Variants in GREB1 observed in about 807,000 individuals in gnomAD.
GREB1 encodes the protein protein GREB1.
GREB1 carries 106 observed loss-of-function variants against 200.7 expected under a neutral mutation model. The observed-to-expected ratio is 0.53, with a 90% CI of 0.45 to 0.62. GREB1 has a LOEUF of 0.62. Ranked by LOEUF, GREB1 falls within the 20% of genes least tolerant of loss-of-function variation. The pLI is 0.00. For missense variants in GREB1, 2,243 were observed against 2,556.8 expected, an observed-to-expected ratio of 0.88 and a Z score of 2.65; for synonymous variants, 1,132 against 1,092.4, an observed-to-expected ratio of 1.04 and a Z score of -0.72.
intron 17 of GREB1, among the ~76,000 whole-genome samples, chr2:11,603,809 A>G (rs1681997758): frequency 6.6e-6 from 1 of 152,256 alleles, no homozygotes; most frequent in African/African-American, 2.4e-5. Flanking sequence ...TGATGTGTTT[A>G]GTATGTTGTA....
intron 1 of GREB1, among the ~76,000 whole-genome samples, chr2:11,512,250 A>G (rs1204477918): frequency 6.6e-6 from 1 of 152,216 alleles, no homozygotes; most frequent in East Asian, 1.9e-4. Context: ...AAAGTTGACC[A>G]CTAGCTCCTG....
upstream of GREB1, among the ~76,000 whole-genome samples, chr2:11,532,821 G>A (rs1452277682): frequency 1.3e-5 from 2 of 152,160 alleles, no homozygotes; most frequent in South Asian, 2.1e-4. Context: ...CATTGTCATC[G>A]TGATGATACT....
At position 11,600,943 on chromosome 2, in the gene GREB1, A is replaced by G. The variant is rs1681728650; in HGVS notation, c.2477A>G (p.His826Arg). 1.2e-6 allele frequency: 2 copies of G among 1,614,124 alleles called. No individual in the cohort carries two copies. Among genetic ancestry groups the G allele is most frequent in the African/African-American group, 1.3e-5 (1 of 75,036 alleles). The change falls in exon 16 of 33, where the codon CAC becomes CGC. Residue 826 changes from histidine (H) to arginine (R), a missense_variant. This residue lies in a region of GREB1 where 1,178 missense variants were observed against 1,387.4 expected (regional missense o/e 0.85). Transcript: ENST00000381486. ...TTCCCGTATGCACTGCAGACACAGC[A>G]CACCCTCATCAGCCCCTACAACGAG... Reference protein sequence around the residue: ...TSFPYALQTQHTLISPYNEIH... With the variant: ...TSFPYALQTQRTLISPYNEIH...
intron 4 of GREB1, among the ~76,000 whole-genome samples, chr2:11,568,905 T>C (rs1447252314): frequency 6.6e-6 from 1 of 152,272 alleles, no homozygotes; most frequent in Non-Finnish European, 1.5e-5. Context: ...CTTGCATACT[T>C]AACACTGTTT....
At chr2:11,536,152 C>T (rs1057436659) in intron 1 of GREB1, among the ~76,000 whole-genome samples, 2 of 152,258 alleles carry the variant, frequency 1.3e-5, no homozygotes, top group African/African-American at 4.8e-5. Context: ...GAATGCCCAG[C>T]TCAGTTTCGG....
Position 11,580,874 on chromosome 2 carries a change from C to A in GREB1, c.901+42C>A. 1 of 1,613,766 alleles carries A rather than the reference C, an allele frequency of 6.2e-7. No individual in the cohort carries two copies. The highest frequency in any genetic ancestry group is 8.5e-7 in the Non-Finnish European group (1 of 1,179,726). ...TGGCCGTCCTGGGGATCCTGCTCTT[C>A]TTTGGGCCAAGGCCAGAGGGGGCAT... On this transcript the variant is annotated intron_variant, in intron 7 of 32. Coordinates refer to ENST00000381486, the MANE Select transcript of GREB1 (RefSeq NM_014668.4). This position sits in a 1 kb window ranked among gnomAD's most constrained non-coding sequence, Gnocchi z 4.5.
chr2:11,575,627 C>T (rs1016936369), intron 4 of GREB1, among the ~76,000 whole-genome samples: 3 of 152,212 alleles, frequency 2.0e-5, no homozygotes, highest in Non-Finnish European at 4.4e-5. Flanking sequence ...GGAATTCACT[C>T]ACCAGCATGC....
chr2:11,537,975 A>G (rs1044491572), intron 1 of GREB1, among the ~76,000 whole-genome samples: 5 of 152,086 alleles, frequency 3.3e-5, no homozygotes, highest in Non-Finnish European at 7.4e-5. Flanking sequence ...TGTGTTAAGT[A>G]TGCATTTTTT....
intron 8 of GREB1, among the ~76,000 whole-genome samples, chr2:11,585,492 G>A (rs1679987489): frequency 6.6e-6 from 1 of 152,262 alleles, no homozygotes; most frequent in South Asian, 2.1e-4. Flanking sequence ...GTATGATAGT[G>A]AGTTCTCTGA....
chr2:11,566,722 C>T lies in GREB1; in HGVS notation c.454+66C>T. The T allele has an allele frequency of 2.1e-6, 3 of 1,422,158 alleles. No individual in the cohort carries two copies. In the East Asian group the frequency reaches 7.1e-5, roughly 34 times the overall value. The allele number at this position is 1,422,158 out of a possible 1,614,324, so 88.1% of individuals were successfully genotyped here. ...GGGGTAGAGCAGGGTCAAGGGAGGT[C>T]ACGGCGGGGGGTGGTGGCAACAGAG... is the stretch of plus-strand genomic sequence containing the variant. On this transcript the variant is annotated intron_variant, in intron 4 of 32. Transcript: ENST00000381486.
intron 1 of GREB1, among the ~76,000 whole-genome samples, chr2:11,507,218 G>A (rs902854838): frequency 2.0e-5 from 3 of 152,116 alleles, no homozygotes; most frequent in Non-Finnish European, 4.4e-5. Flanking sequence ...AGACCAGCCT[G>A]GCCAACGTGG....
chr2:11,486,423 T>G (rs1558477993), intron 1 of GREB1, among the ~76,000 whole-genome samples: 1 of 152,182 alleles, frequency 6.6e-6, no homozygotes, highest in African/African-American at 2.4e-5. Context: ...CCTAGAGCAC[T>G]GGGATTATAG....
rs550693853 is a variant in GREB1 at position 11,546,747 on chromosome 2, G to A, written c.-161-9707G>A. Reference sequence around the variant, plus strand: ...TGCTCAGGAGCGCATCTCGCTTTTTGTGTGAATGCAGGCTTAGTCTCCTTA... The same window carrying A: ...TGCTCAGGAGCGCATCTCGCTTTTTATGTGAATGCAGGCTTAGTCTCCTTA... On this transcript the variant is annotated intron_variant, in intron 1 of 32. Transcript: ENST00000381486. Among the ~76,000 whole-genome samples, 17 of 152,246 alleles carry A rather than the reference G, an allele frequency of 1.1e-4. No individual in the cohort carries two copies. The South Asian group carries it at 3.5e-3, about 32-fold the overall frequency.
At chr2:11,555,866 A>G (rs116711960) in intron 1 of GREB1, among the ~76,000 whole-genome samples, 1 of 152,172 alleles carries the variant, frequency 6.6e-6, no homozygotes, top group East Asian at 1.9e-4. Context: ...GTGGTAAGGT[A>G]TGTGAATTAT....
intron 4 of GREB1, among the ~76,000 whole-genome samples, chr2:11,570,506 C>T (rs1678154488): frequency 6.8e-6 from 1 of 147,270 alleles, no homozygotes; most frequent in African/African-American, 2.5e-5. Context: ...TCAGGGTGTT[C>T]GAATTGTTAT....
Position 11,507,235 on chromosome 2 carries a change from C to T in GREB1, c.-159+24854C>T, listed in dbSNP as rs540958544. Among the ~76,000 whole-genome samples the T allele has an allele frequency of 1.1e-3, 170 of 152,028 alleles. 1 individual carries two copies. The highest frequency in any genetic ancestry group is 3.7e-3 in the African/African-American group (152 of 41,448). Reference sequence around the variant, plus strand: ...ACCAGCCTGGCCAACGTGGCGAAACCCCATCTCTACTAAAAATACAAAACT... The same window carrying T: ...ACCAGCCTGGCCAACGTGGCGAAACTCCATCTCTACTAAAAATACAAAACT... On this transcript the variant is annotated intron_variant, in intron 1 of 2. Coordinates refer to the GREB1 transcript ENST00000628795.
rs985641995 is a variant in GREB1 at position 11,624,740 on chromosome 2, C to T, written c.4148-414C>T. 2.6e-5 allele frequency among the ~76,000 whole-genome samples: 4 copies of T among 152,214 alleles called. No individual in the cohort carries two copies. The South Asian group carries it at 8.3e-4, about 31-fold the overall frequency. ...GCAACCTTATCCAACCCACAGGCTG[C>T]ATGTGGCCCAGGACAGCTTTGAATG... On this transcript the variant is annotated intron_variant, in intron 23 of 32. Transcript: ENST00000381486.
intron 12 of GREB1, among the ~76,000 whole-genome samples, 157 bp downstream of exon 12, chr2:11,595,536 TC>T (rs1404179009): frequency 6.6e-6 from 1 of 152,174 alleles, no homozygotes; most frequent in Non-Finnish European, 1.5e-5. Flanking sequence ...TCTGTCCCTT[TC>T]TTTTCTTGAG....
intron 1 of GREB1, among the ~76,000 whole-genome samples, chr2:11,507,421 A>G (rs1315817009): frequency 2.2e-5 from 3 of 139,144 alleles, no homozygotes; most frequent in African/African-American, 5.3e-5. Context: ...AAAAAAAACC[A>G]TAAACCGAAA....
Sources: gnomAD v4.1 joint callset for allele counts (sites outside exome capture counted in the v4.1 genomes callset) on GRCh38, gnomAD v4.1.1 for gene constraint, gnomAD v4.1.1 regional missense constraint, Gnocchi (gnomAD v3.1) non-coding constraint, MANE v1.5 for transcripts, NCBI Gene and HGNC (gene_info 2026-07-23, HGNC 2026-07-21) for gene names.